The following CALN1 variants were observed in gnomAD, a reference collection of about 807,000 sequenced individuals.
CALN1 encodes the protein calneuron 1.
Under a neutral mutation model 30.6 loss-of-function variants are expected in CALN1, and 17 were observed. The ratio of observed to expected loss-of-function variants is 0.56; its 90% confidence interval spans 0.38 to 0.83. The LOEUF (loss-of-function observed/expected upper bound fraction) is 0.83, where lower values mean the gene tolerates loss of function less well. Among genes scored for constraint, CALN1 ranks in the 40% least tolerant of loss-of-function variants. The pLI, the probability that CALN1 is intolerant of heterozygous loss-of-function variation, is 0.00. For synonymous variants in CALN1, 156 were observed against 131.4 expected, an observed-to-expected ratio of 1.19 and a Z score of -1.28; for missense variants, 291 against 354.9, an observed-to-expected ratio of 0.82 and a Z score of 1.45.
chr7:72,073,677 TTCTCC>T (rs139378648), intron 4 of CALN1, among the ~76,000 whole-genome samples: 3,279 of 142,086 alleles, frequency 0.023, 137 homozygotes, highest in African/African-American at 0.08. Context: ...CTCCCCTCCC[TTCTCC>T]TCTCCTCTCC....
intron 5 of CALN1, among the ~76,000 whole-genome samples, chr7:71,929,133 A>G (rs905164852): frequency 6.6e-6 from 1 of 152,088 alleles, no homozygotes; most frequent in Non-Finnish European, 1.5e-5. Context: ...TATTTTTCCA[A>G]CTTTTAAGTT....
the CALN1 span, among the ~76,000 whole-genome samples, chr7:72,490,442 G>A: frequency 4.6e-5 from 7 of 152,122 alleles, no homozygotes; most frequent in South Asian, 2.1e-4. Context: ...CTGTGCTGCC[G>A]TGGCCATGTT....
At chr7:71,887,108 T>C (rs1049055869) in intron 5 of CALN1, among the ~76,000 whole-genome samples, 3 of 151,986 alleles carry the variant, frequency 2.0e-5, no homozygotes, top group African/African-American at 7.2e-5. Flanking sequence ...GATGGCACGG[T>C]TGGGGAGCGC....
chr7:71,895,967 C>T (rs1222746643), intron 5 of CALN1, among the ~76,000 whole-genome samples: 4 of 152,114 alleles, frequency 2.6e-5, no homozygotes, highest in African/African-American at 9.7e-5. Context: ...CCACACTGGC[C>T]ACAGAAGTAT....
intron 4 of CALN1, among the ~76,000 whole-genome samples, chr7:72,076,625 A>C (rs1804754470): frequency 7.4e-6 from 1 of 135,840 alleles, no homozygotes; most frequent in Admixed American, 7.4e-5. Flanking sequence ...AAAAAAAAAA[A>C]AAAAAAAAAA....
At chr7:71,998,770 T>A (rs1318552131) in intron 5 of CALN1, among the ~76,000 whole-genome samples, 1 of 152,116 alleles carries the variant, frequency 6.6e-6, no homozygotes, top group African/African-American at 2.4e-5. Context: ...TTGCCCAGAC[T>A]GGTCTTGAAC....
At chr7:71,953,644 A>G (rs554899678) in intron 5 of CALN1, among the ~76,000 whole-genome samples, 3 of 152,146 alleles carry the variant, frequency 2.0e-5, no homozygotes, top group African/African-American at 4.8e-5. Flanking sequence ...AAGTGTTTTG[A>G]ATAATTGTTG....
rs564713339 is a variant in CALN1 at position 72,223,753 on chromosome 7, T to C, written c.244+54933A>G. On this transcript the variant is annotated intron_variant, in intron 3 of 6. Transcript: ENST00000395275. ...AGCAAAGACATGAAATCCAGACAGA[T>C]GAAATCAACAGTGGATTGGGTAAAG... is the stretch of plus-strand genomic sequence containing the variant. Among the ~76,000 whole-genome samples, 9 of 152,234 alleles carry C rather than the reference T, an allele frequency of 5.9e-5. No homozygotes were observed. In the South Asian group the frequency reaches 6.2e-4, roughly 11 times the overall value.
At chr7:72,171,619 A>G (rs1456408822) in intron 3 of CALN1, among the ~76,000 whole-genome samples, 2 of 152,186 alleles carry the variant, frequency 1.3e-5, no homozygotes, top group African/African-American at 2.4e-5. Context: ...TTCACCTGCA[A>G]AAAAGAGGCC....
chr7:71,975,716 C>T (rs908159440), intron 5 of CALN1, among the ~76,000 whole-genome samples: 3 of 151,898 alleles, frequency 2.0e-5, no homozygotes, highest in African/African-American at 4.8e-5. Flanking sequence ...AGGTGTGAGC[C>T]ACCACACCCG....
intron 3 of CALN1, among the ~76,000 whole-genome samples, chr7:72,113,857 G>T (rs926885855): frequency 6.6e-6 from 1 of 152,072 alleles, no homozygotes; most frequent in African/African-American, 2.4e-5. Flanking sequence ...ATTTTTTAAG[G>T]GTGAGATTTT....
At chr7:72,262,080 A>G (rs1271912479) in intron 3 of CALN1, among the ~76,000 whole-genome samples, 1 of 152,206 alleles carries the variant, frequency 6.6e-6, no homozygotes, top group African/African-American at 2.4e-5. Context: ...GCTCAACTCA[A>G]AGAGAGGCCA....
At chr7:72,123,458 C>G (rs1428409473) in intron 3 of CALN1, among the ~76,000 whole-genome samples, 2 of 152,186 alleles carry the variant, frequency 1.3e-5, no homozygotes, top group African/African-American at 4.8e-5. Flanking sequence ...TTCCTGTCAT[C>G]ATGGGCAAGG....
chr7:71,913,098 C>A lies in CALN1; in HGVS notation c.502-102606G>T, dbSNP rs562968383. On this transcript the variant is annotated intron_variant, in intron 5 of 6. Transcript: ENST00000395275. Reference sequence around the variant, plus strand: ...TTCGTCAACTTTAATAGGAAAAGAACAAGACCAGGATGTGCATGATCCACT... The same window carrying A: ...TTCGTCAACTTTAATAGGAAAAGAAAAAGACCAGGATGTGCATGATCCACT... Among the ~76,000 whole-genome samples, 3 of 152,306 alleles carry A rather than the reference C, an allele frequency of 2.0e-5. No individual in the cohort carries two copies. In the South Asian group the frequency reaches 6.2e-4, roughly 32 times the overall value.
intron 5 of CALN1, among the ~76,000 whole-genome samples, chr7:71,815,379 A>T (rs542095808): frequency 6.6e-6 from 1 of 152,296 alleles, no homozygotes; most frequent in East Asian, 1.9e-4. Flanking sequence ...TGATAGAAGT[A>T]TGAAAGTCCA....
intron 4 of CALN1, among the ~76,000 whole-genome samples, chr7:72,036,262 C>T (rs1189843072): frequency 6.6e-6 from 1 of 152,196 alleles, no homozygotes; most frequent in African/African-American, 2.4e-5. Context: ...TCTCTTACGG[C>T]TACAAAGATT....
chr7:72,132,543 A>C (rs889203830), intron 3 of CALN1, among the ~76,000 whole-genome samples: 8 of 152,174 alleles, frequency 5.3e-5, no homozygotes, highest in African/African-American at 1.9e-4. Flanking sequence ...TTGCTTAAAA[A>C]AATTATATGA....
chr7:71,810,642 TC>T (rs1221486952), intron 5 of CALN1, 150 bp from the exon 6 acceptor site: 1 of 667,748 alleles, frequency 1.5e-6, no homozygotes, highest in Non-Finnish European at 2.5e-6. Flanking sequence ...CCTGTTCAGC[TC>T]CAAGTATACT....
At chr7:72,189,360 G>A (rs533600250) in intron 3 of CALN1, among the ~76,000 whole-genome samples, 30 of 152,118 alleles carry the variant, frequency 2.0e-4, no homozygotes, top group African/African-American at 7.0e-4. Context: ...AAAGAATTTT[G>A]TTTCTCAAGC....
Sources: allele counts gnomAD v4.1 joint callset (sites outside exome capture counted in the v4.1 genomes callset), GRCh38; gene constraint gnomAD v4.1.1; transcripts MANE v1.5; gene names NCBI Gene and HGNC (gene_info 2026-07-23, HGNC 2026-07-21).